Variants in LEKR1 observed in about 807,000 individuals in gnomAD.
LEKR1 encodes the protein protein LEKR1.
A neutral mutation model predicts 72.4 loss-of-function variants in LEKR1; 59 were observed. That is an observed-to-expected ratio of 0.82 (90% confidence interval 0.66 to 1.01). The LOEUF is 1.01. Among genes scored for constraint, LEKR1 ranks in the 50% least tolerant of loss-of-function variants. The probability of loss-of-function intolerance (pLI) is 0.00; values close to 1 mark genes in which losing one functional copy is unlikely to be tolerated. For synonymous variants in LEKR1, 257 were observed against 263.2 expected, an observed-to-expected ratio of 0.98 and a Z score of 0.23; for missense variants, 728 against 759.2, an observed-to-expected ratio of 0.96 and a Z score of 0.48.
At chr3:156,924,733 A>G (rs1303452777) in intron 4 of LEKR1, 4 of 401,732 alleles carry the variant, frequency 1.0e-5, no homozygotes, top group Non-Finnish European at 1.8e-5. Context: ...TTGCCTCAGC[A>G]TCTTTGCCTA....
chr3:156,871,053 C>T (rs924827695), intron 3 of LEKR1, among the ~76,000 whole-genome samples: 3 of 151,838 alleles, frequency 2.0e-5, no homozygotes, highest in Non-Finnish European at 2.9e-5. Context: ...TGTGCTGCAC[C>T]CACTAACACG....
chr3:157,038,699 C>T (rs1181403004), intron 12 of LEKR1, among the ~76,000 whole-genome samples: 1 of 152,146 alleles, frequency 6.6e-6, no homozygotes, highest in African/African-American at 2.4e-5. Flanking sequence ...AGGGTACATG[C>T]AATATAGACA....
intron 7 of LEKR1, among the ~76,000 whole-genome samples, chr3:156,984,732 A>G (rs1174773390): frequency 6.6e-6 from 1 of 152,124 alleles, no homozygotes; most frequent in Non-Finnish European, 1.5e-5. Flanking sequence ...ATGTACTTAC[A>G]CTTTAATTCC....
intron 10 of LEKR1, among the ~76,000 whole-genome samples, chr3:157,015,557 T>A (rs1733244419): frequency 6.6e-6 from 1 of 152,106 alleles, no homozygotes; most frequent in Non-Finnish European, 1.5e-5. Context: ...CCTAAAATAA[T>A]CAAGCTGATT....
intron 1 of LEKR1, chr3:156,826,842 A>T (rs951100910): frequency 6.4e-6 from 1 of 155,500 alleles, no homozygotes; most frequent in African/African-American, 2.4e-5. Flanking sequence ...GATTCACGCC[A>T]TGGGAATGGT....
chr3:156,925,596 T>C (rs6441103), intron 4 of LEKR1, among the ~76,000 whole-genome samples: 46,066 of 151,768 alleles, frequency 0.3, 9,962 homozygotes, highest in African/African-American at 0.61. Flanking sequence ...AAATTTATTG[T>C]GAACCAGATG....
At chr3:156,916,278 G>GT (rs1723640773) in intron 3 of LEKR1, among the ~76,000 whole-genome samples, 1 of 151,838 alleles carries the variant, frequency 6.6e-6, no homozygotes, top group African/African-American at 2.4e-5. Flanking sequence ...TTTTAAAATA[G>GT]TTTTTTTCTA....
intron 2 of LEKR1, among the ~76,000 whole-genome samples, chr3:156,846,442 G>A (rs1419444214): frequency 6.6e-6 from 1 of 150,420 alleles, no homozygotes; most frequent in East Asian, 1.9e-4. Context: ...TTATAATAAA[G>A]CTGTAGGGTT....
At chr3:157,005,596 A>G (rs1047782709) in intron 9 of LEKR1, among the ~76,000 whole-genome samples, 15 of 152,148 alleles carry the variant, frequency 9.9e-5, no homozygotes, top group African/African-American at 3.4e-4. Context: ...GATAACATAT[A>G]AAAGGAAATA....
At chr3:156,883,350 G>A (rs1719688459) in intron 3 of LEKR1, among the ~76,000 whole-genome samples, 1 of 152,150 alleles carries the variant, frequency 6.6e-6, no homozygotes, top group Admixed American at 6.5e-5. Flanking sequence ...ATAGGCAGAA[G>A]GGACTTACCC....
At chr3:157,020,295 T>TTATTAA (rs60360054) in intron 10 of LEKR1, among the ~76,000 whole-genome samples, 5 of 147,172 alleles carry the variant, frequency 3.4e-5, no homozygotes, top group African/African-American at 9.9e-5. Context: ...ATTATTATTA[T>TTATTAA]ACTTTAAGTT....
chr3:157,027,772 C>G (rs1734309018), intron 11 of LEKR1, among the ~76,000 whole-genome samples: 1 of 152,076 alleles, frequency 6.6e-6, no homozygotes, highest in Admixed American at 6.6e-5. Context: ...CATGATTACA[C>G]CACTGCACCA....
chr3:156,992,014 C>T (rs1487846675), intron 7 of LEKR1, among the ~76,000 whole-genome samples: 3 of 152,180 alleles, frequency 2.0e-5, no homozygotes, highest in African/African-American at 7.2e-5. Flanking sequence ...CAATCTCTGT[C>T]CAGGATAACA....
chr3:156,971,821 C>G (rs1729225518), intron 6 of LEKR1, among the ~76,000 whole-genome samples: 2 of 152,084 alleles, frequency 1.3e-5, no homozygotes, highest in East Asian at 1.9e-4. Flanking sequence ...GAATGGCAAT[C>G]ATTAAAAAGT....
chr3:156,969,180 A>G (rs991129107), intron 6 of LEKR1, among the ~76,000 whole-genome samples: 23 of 152,222 alleles, frequency 1.5e-4, no homozygotes, highest in African/African-American at 5.5e-4. Flanking sequence ...AGCAAGAAAG[A>G]TCTAAAATTG....
At chr3:156,872,851 T>C (rs1032690595) in intron 3 of LEKR1, among the ~76,000 whole-genome samples, 1 of 152,106 alleles carries the variant, frequency 6.6e-6, no homozygotes, top group Non-Finnish European at 1.5e-5. Flanking sequence ...AGAATTATTT[T>C]GTGTCTTAAC....
intron 3 of LEKR1, among the ~76,000 whole-genome samples, chr3:156,888,898 ATTAAC>A (rs1720374103): frequency 6.6e-6 from 1 of 152,238 alleles, no homozygotes; most frequent in Admixed American, 6.5e-5. Context: ...TCTTTGAAAA[ATTAAC>A]TTAAGCATAA....
chr3:156,969,018 G>A (rs1470478152), intron 6 of LEKR1, among the ~76,000 whole-genome samples: 1 of 152,148 alleles, frequency 6.6e-6, no homozygotes, highest in Non-Finnish European at 1.5e-5. Context: ...ACCTGCTCCT[G>A]AATGACTACT....
intron 12 of LEKR1, among the ~76,000 whole-genome samples, chr3:157,032,155 A>T (rs1734662997): frequency 6.6e-6 from 1 of 152,138 alleles, no homozygotes; most frequent in African/African-American, 2.4e-5. Context: ...AAAATGGGTC[A>T]TGTGCTTCTT....
Sources: allele counts gnomAD v4.1 joint callset (sites outside exome capture counted in the v4.1 genomes callset), GRCh38; gene constraint gnomAD v4.1.1; transcripts MANE v1.5; gene names NCBI Gene and HGNC (gene_info 2026-07-23, HGNC 2026-07-21).